The following AGXT2 variants were observed in gnomAD, a reference collection of about 807,000 sequenced individuals.
AGXT2 encodes alanine--glyoxylate aminotransferase 2, mitochondrial.
In AGXT2, 61 loss-of-function variants were observed where a neutral mutation model predicts 62.5. The observed-to-expected ratio is 0.98, with a 90% confidence interval of 0.79 to 1.21. The LOEUF (loss-of-function observed/expected upper bound fraction) is 1.21, where lower values mean the gene tolerates loss of function less well. Ranked by LOEUF, AGXT2 falls within the 50% of genes most tolerant of loss-of-function variation. The pLI is 0.00. For synonymous variants in AGXT2, 243 were observed against 218.7 expected (o/e 1.11, Z -0.98); for missense variants, 666 against 641.5 (o/e 1.04, Z -0.41).
chr5:35,021,646 TC>T (rs1218666576), intron 9 of AGXT2, among the ~76,000 whole-genome samples: 15 of 152,120 alleles, frequency 9.9e-5, no homozygotes, highest in African/African-American at 3.6e-4. Flanking sequence ...GCATTACCAT[TC>T]AGGACACAGG....
chr5:35,047,341 G>A (rs926016071), intron 1 of AGXT2, among the ~76,000 whole-genome samples: 8 of 152,126 alleles, frequency 5.3e-5, no homozygotes, highest in African/African-American at 1.7e-4. Flanking sequence ...TACTCAGGAG[G>A]CTGAGGTGGG....
At chr5:35,028,465 T>A (rs1235627606) in intron 7 of AGXT2, among the ~76,000 whole-genome samples, 2 of 151,248 alleles carry the variant, frequency 1.3e-5, no homozygotes, top group African/African-American at 4.9e-5. Context: ...TAGAGATGAG[T>A]GGGAAGATTG....
At chr5:35,002,777 G>GA in intron 13 of AGXT2, among the ~76,000 whole-genome samples, 1 of 75,288 alleles carries the variant, frequency 1.3e-5, no homozygotes, top group East Asian at 4.1e-4. Context: ...ATAGCAGGCT[G>GA]GGGGGGGGGA....
At position 35,003,698 on chromosome 5, in the gene AGXT2, C is replaced by T; in HGVS notation, c.1437+65G>A. 16 of 1,456,968 alleles carry T rather than the reference C, an allele frequency of 1.1e-5. No individual in the cohort carries two copies. In the South Asian group the frequency reaches 1.7e-4, roughly 16 times the overall value. The allele number at this position is 1,456,968 out of a possible 1,614,324, so 90.3% of individuals were successfully genotyped here. A position where few individuals can be genotyped will look rare whatever the true frequency, so the allele number is the denominator to read the frequency against. On this transcript the variant is annotated intron_variant, in intron 13 of 13. Transcript: ENST00000231420. Reference sequence around the variant, plus strand: ...CTTCACAGCTGTGAAGAAACTGTGACCAGCATTAGGAAATCAGAGAGACTC... The same window carrying T: ...CTTCACAGCTGTGAAGAAACTGTGATCAGCATTAGGAAATCAGAGAGACTC...
intron 1 of AGXT2, among the ~76,000 whole-genome samples, chr5:35,046,847 G>A (rs948059485): frequency 4.6e-5 from 7 of 152,162 alleles, no homozygotes; most frequent in Admixed American, 2.0e-4. Context: ...TTAATCTCAT[G>A]TTTGCATGAG....
chr5:35,013,044 C>A lies in AGXT2; in HGVS notation c.1098G>T (p.Glu366Asp). 7 of 1,551,600 alleles carry A rather than the reference C, an allele frequency of 4.5e-6. No homozygotes were observed. Among genetic ancestry groups the A allele is most frequent in the Non-Finnish European group, 5.2e-6 (6 of 1,146,896 alleles). Residue 366 changes from glutamate (E) to aspartate (D), a missense_variant and splice_region_variant, in exon 11 of 14, where the codon GAG becomes GAT. Transcript: ENST00000231420. ...GGCATTTCGCCAAAGATTTGGCAAT[C>A]TCTAGAGGGAGAAAATAGAAGGTGT... ...FPMAAVITTP[E>D]IAKSLAKCLQ...
In AGXT2 at chr5:34,998,772, C is replaced by A. The variant is rs16899974; in HGVS notation, c.1492G>T (p.Val498Leu). 374,153 of 1,613,478 alleles carry A rather than the reference C, an allele frequency of 0.23. 46,157 individuals are homozygous for A. The highest frequency in any genetic ancestry group is 0.44 in the East Asian group (19,590 of 44,870). Residue 498 changes from valine to leucine, a missense_variant, in exon 14 of 14, where the codon GTA becomes TTA. Transcript: ENST00000231420. The part of the protein sequence containing the change: ...CITKPEVDFA[V>L]EVFRSALTQH... ...GTTAAGGCAGAACGAAATACTTCTA[C>A]TGCAAAATCAACTTCTGGTTTAGTG...
chr5:35,033,600 C>T (rs895267288), intron 5 of AGXT2, 47 bp from the exon 6 acceptor site: 1 of 1,465,564 alleles, frequency 6.8e-7, no homozygotes, highest in Non-Finnish European at 9.6e-7. Flanking sequence ...TCCTGGTCCA[C>T]TGAGTAGGAC....
At chr5:35,029,950 A>G (rs1767498667) in intron 7 of AGXT2, among the ~76,000 whole-genome samples, 1 of 152,206 alleles carries the variant, frequency 6.6e-6, no homozygotes, top group East Asian at 1.9e-4. Context: ...GATGAGAAAA[A>G]TCTCTACCAT....
At chr5:35,044,060 G>T (rs13172279) in intron 1 of AGXT2, among the ~76,000 whole-genome samples, 36,238 of 152,062 alleles carry the variant, frequency 0.24, 4,819 homozygotes, top group Non-Finnish European at 0.3. Context: ...TGTCACATTT[G>T]CAATCTCATT....
At chr5:35,035,776 T>A (rs1389649075) in intron 4 of AGXT2, among the ~76,000 whole-genome samples, 1 of 152,090 alleles carries the variant, frequency 6.6e-6, no homozygotes, top group African/African-American at 2.4e-5. Flanking sequence ...TGTGTGAATG[T>A]TGAAAAAACA....
At chr5:35,027,004 A>G in intron 7 of AGXT2, 1 of 985,428 alleles carries the variant, frequency 1.0e-6, no homozygotes, top group Non-Finnish European at 1.2e-6. Context: ...GAACAATTAG[A>G]ATTCAGTCTA....
chr5:35,024,184 C>T (rs182567040), intron 9 of AGXT2, among the ~76,000 whole-genome samples: 138 of 152,240 alleles, frequency 9.1e-4, no homozygotes, highest in Middle Eastern at 6.8e-3. Flanking sequence ...TGAGCCACTG[C>T]GCCCAACCTA....
At chr5:35,035,758 A>G (rs344154) in intron 4 of AGXT2, among the ~76,000 whole-genome samples, 142,688 of 152,240 alleles carry the variant, frequency 0.94, 67,351 homozygotes, top group Non-Finnish European at 1. Context: ...CAGCCTGACT[A>G]TGCTGTGTGT....
intron 9 of AGXT2, among the ~76,000 whole-genome samples, chr5:35,025,213 T>C (rs1767284567): frequency 6.6e-6 from 1 of 152,066 alleles, no homozygotes; most frequent in Non-Finnish European, 1.5e-5. Flanking sequence ...CTGTCTTTAC[T>C]AAAAATACAA....
chr5:35,031,883 CTTGT>C (rs1767567160), intron 7 of AGXT2, among the ~76,000 whole-genome samples: 1 of 63,536 alleles, frequency 1.6e-5, no homozygotes, highest in Admixed American at 1.8e-4. Flanking sequence ...ATCTTGATTT[CTTGT>C]TTTTTTTTTT....
At chr5:35,009,917 G>A in intron 12 of AGXT2, 83 bp downstream of exon 12, 1 of 1,574,590 alleles carries the variant, frequency 6.4e-7, no homozygotes, top group Non-Finnish European at 8.7e-7. Flanking sequence ...CTCCTTGAGA[G>A]TAAATGAAGT....
intron 7 of AGXT2, among the ~76,000 whole-genome samples, chr5:35,031,461 A>G (rs1396938288): frequency 1.3e-5 from 2 of 152,064 alleles, no homozygotes; most frequent in African/African-American, 4.8e-5. Context: ...TTTTCCTCTC[A>G]ACCCAGTGAT....
intron 11 of AGXT2, 120 bp from the exon 12 acceptor site, chr5:35,010,269 G>A: frequency 7.9e-7 from 1 of 1,266,006 alleles, no homozygotes; most frequent in Non-Finnish European, 1.1e-6. Flanking sequence ...TGCAGAACAA[G>A]TCTAGTGTGA....
Sources: gnomAD v4.1 joint callset for allele counts (sites outside exome capture counted in the v4.1 genomes callset) on GRCh38, gnomAD v4.1.1 for gene constraint, MANE v1.5 for transcripts, NCBI Gene and HGNC (gene_info 2026-07-23, HGNC 2026-07-21) for gene names.